CNTN5: variants seen among roughly 807,000 people sequenced by gnomAD.
CNTN5 encodes the protein contactin-5.
In CNTN5, 77 loss-of-function variants were observed where a neutral mutation model predicts 129.1. That is an observed-to-expected ratio of 0.60 (90% CI 0.50 to 0.72). The LOEUF is 0.72. Ranked by LOEUF, CNTN5 falls within the 30% of genes least tolerant of loss-of-function variation. The probability of loss-of-function intolerance (pLI) is 0.00; values close to 1 mark genes in which losing one functional copy is unlikely to be tolerated. For missense variants in CNTN5, 1,478 were observed against 1,328.8 expected, an observed-to-expected ratio of 1.11 and a Z score of -1.75; for synonymous variants, 509 against 465.6, an observed-to-expected ratio of 1.09 and a Z score of -1.20.
intron 3 of CNTN5, among the ~76,000 whole-genome samples, chr11:99,575,014 G>T (rs1949298646): frequency 6.6e-6 from 1 of 152,140 alleles, no homozygotes; most frequent in Non-Finnish European, 1.5e-5. Context: ...TGAATTGTGG[G>T]ACTTTGGAGA....
chr11:99,752,467 G>A (rs7941559), intron 3 of CNTN5, among the ~76,000 whole-genome samples: 40,343 of 152,024 alleles, frequency 0.27, 6,242 homozygotes, highest in East Asian at 0.64. Flanking sequence ...CTTAAAAAAT[G>A]CCATCAAACA....
intron 1 of CNTN5, among the ~76,000 whole-genome samples, chr11:99,156,433 T>C (rs1410266384): frequency 6.6e-6 from 1 of 152,068 alleles, no homozygotes; most frequent in African/African-American, 2.4e-5. Flanking sequence ...CACAGATAAC[T>C]GGCATTCTTA....
At position 99,369,770 on chromosome 11, in the gene CNTN5, A is replaced by G. The variant is rs1383962109; in HGVS notation, c.-71+44286A>G. ...TTTATTCAGCAAATATTTATTGAAT[A>G]CTTATATCTGCCAGGCAGTATGCTA... On this transcript the variant is annotated intron_variant, in intron 2 of 24. Transcript: ENST00000524871. 2.6e-5 allele frequency among the ~76,000 whole-genome samples: 4 copies of G among 152,268 alleles called. No individual in the cohort carries two copies. In the East Asian group the frequency reaches 7.7e-4, roughly 29 times the overall value.
intron 1 of CNTN5, among the ~76,000 whole-genome samples, chr11:99,264,157 A>G (rs1862772311): frequency 6.6e-6 from 1 of 151,692 alleles, no homozygotes; most frequent in East Asian, 1.9e-4. Flanking sequence ...ACCTATTTCT[A>G]CAACTATGAA....
chr11:99,154,225 C>T (rs948592512), intron 1 of CNTN5, among the ~76,000 whole-genome samples: 33 of 152,164 alleles, frequency 2.2e-4, no homozygotes, highest in Non-Finnish European at 4.3e-4. Flanking sequence ...ATGCTCACTC[C>T]AGCGGCATGG....
At chr11:99,712,568 A>T (rs1023986758) in intron 3 of CNTN5, among the ~76,000 whole-genome samples, 1 of 151,974 alleles carries the variant, frequency 6.6e-6, no homozygotes, top group African/African-American at 2.4e-5. Context: ...CTACATCCTG[A>T]ATGGTATTGC....
Position 100,313,492 on chromosome 11 carries a change from G to T in CNTN5, c.2730+5024G>T, listed in dbSNP as rs527406676. Among the ~76,000 whole-genome samples the T allele has an allele frequency of 6.6e-5, 10 of 151,766 alleles. No homozygotes were observed. In the East Asian group the frequency reaches 1.8e-3, roughly 27 times the overall value. ...AGGAAACTGAACAAAGAACAGATTT[G>T]AAGCTAGGAAATCAAGAGTTCTATT... On this transcript the variant is annotated intron_variant, in intron 21 of 24. Coordinates refer to ENST00000524871, the MANE Select transcript of CNTN5 (RefSeq NM_014361.4).
At chr11:100,312,076 T>C (rs1951483870) in intron 21 of CNTN5, among the ~76,000 whole-genome samples, 1 of 152,070 alleles carries the variant, frequency 6.6e-6, no homozygotes, top group Non-Finnish European at 1.5e-5. Context: ...TTCATGGACA[T>C]AGTAACTATT....
intron 3 of CNTN5, among the ~76,000 whole-genome samples, chr11:99,745,725 G>A (rs1944033826): frequency 1.6e-5 from 1 of 64,166 alleles, no homozygotes; most frequent in Non-Finnish European, 4.1e-5. Flanking sequence ...ATGACCTGAA[G>A]ACATTTTTTT....
chr11:99,849,993 TTTA>T (rs1947821064), intron 6 of CNTN5, among the ~76,000 whole-genome samples: 1 of 152,092 alleles, frequency 6.6e-6, no homozygotes, highest in Admixed American at 6.6e-5. Context: ...CATTTTAGAA[TTTA>T]TTAACACCTA....
intron 9 of CNTN5, among the ~76,000 whole-genome samples, chr11:100,037,307 A>T (rs1246893816): frequency 1.3e-5 from 2 of 151,242 alleles, no homozygotes; most frequent in Non-Finnish European, 2.9e-5. Context: ...CTTGCATCCC[A>T]GGGATGAAGC....
At chr11:99,374,435 A>G (rs1940028986) in intron 2 of CNTN5, among the ~76,000 whole-genome samples, 1 of 152,260 alleles carries the variant, frequency 6.6e-6, no homozygotes, top group African/African-American at 2.4e-5. Context: ...ATAAAAATGT[A>G]AGATTTGGGA....
chr11:99,647,376 T>G (rs1016518554), intron 3 of CNTN5, among the ~76,000 whole-genome samples: 1 of 152,130 alleles, frequency 6.6e-6, no homozygotes, highest in Non-Finnish European at 1.5e-5. Context: ...CTGGCTTCTC[T>G]TTTCTGTTCC....
At chr11:99,955,570 T>G (rs1045407793) in intron 7 of CNTN5, among the ~76,000 whole-genome samples, 2 of 151,712 alleles carry the variant, frequency 1.3e-5, no homozygotes, top group Admixed American at 6.6e-5. Flanking sequence ...AATTTCCCCT[T>G]TTTTTTTGAG....
intron 15 of CNTN5, among the ~76,000 whole-genome samples, chr11:100,216,762 A>G (rs1339121640): frequency 6.6e-6 from 1 of 152,198 alleles, no homozygotes; most frequent in Non-Finnish European, 1.5e-5. Context: ...CATTGAAATA[A>G]TTTCTAATAA....
chr11:99,561,228 CAA>C (rs1565297110), intron 3 of CNTN5, among the ~76,000 whole-genome samples: 1 of 151,912 alleles, frequency 6.6e-6, no homozygotes. Flanking sequence ...TCTGGTGTGT[CAA>C]AGAGATGTAG....
intron 12 of CNTN5, among the ~76,000 whole-genome samples, chr11:100,072,934 A>G (rs1943979408): frequency 6.8e-6 from 1 of 146,252 alleles, no homozygotes; most frequent in Non-Finnish European, 1.5e-5. Context: ...TCAAACCCTT[A>G]TCATTCACAA....
At chr11:99,145,049 G>A (rs1182554931) in intron 1 of CNTN5, among the ~76,000 whole-genome samples, 1 of 151,952 alleles carries the variant, frequency 6.6e-6, no homozygotes, top group Non-Finnish European at 1.5e-5. Flanking sequence ...ATTTTATGGA[G>A]TAAATTTCAT....
intron 2 of CNTN5, among the ~76,000 whole-genome samples, chr11:99,408,428 AAAAG>A (rs1156931446): frequency 8.9e-4 from 83 of 93,524 alleles, no homozygotes; most frequent in South Asian, 3.4e-3. Context: ...GAAGGAAAGA[AAAAG>A]AAAGAAAGAA....
Sources: allele counts gnomAD v4.1 joint callset (sites outside exome capture counted in the v4.1 genomes callset), GRCh38; gene constraint gnomAD v4.1.1; transcripts MANE v1.5; gene names NCBI Gene and HGNC (gene_info 2026-07-23, HGNC 2026-07-21).